Variants in DNM3 observed in about 807,000 individuals in gnomAD.
DNM3 encodes dynamin-3.
A neutral mutation model predicts 101.6 loss-of-function variants in DNM3; 47 were observed. That is an observed-to-expected ratio of 0.46 (90% confidence interval 0.37 to 0.59). The LOEUF (loss-of-function observed/expected upper bound fraction) is 0.59, where lower values mean the gene tolerates loss of function less well. Among genes scored for constraint, DNM3 ranks in the 20% least tolerant of loss-of-function variants. DNM3 has a pLI of 0.00. For synonymous variants in DNM3, 385 were observed against 387.9 expected, an observed-to-expected ratio of 0.99 and a Z score of 0.09; for missense variants, 849 against 1,085.7, an observed-to-expected ratio of 0.78 and a Z score of 3.06.
At chr1:172,079,677 C>T (rs1178550928) in intron 11 of DNM3, among the ~76,000 whole-genome samples, 3 of 152,084 alleles carry the variant, frequency 2.0e-5, no homozygotes, top group Non-Finnish European at 4.4e-5. Flanking sequence ...CAAGGAGTTG[C>T]GATCCTTTGG....
chr1:172,111,001 A>C (rs920624492), intron 13 of DNM3, among the ~76,000 whole-genome samples: 2 of 152,200 alleles, frequency 1.3e-5, no homozygotes, highest in Admixed American at 6.5e-5. Context: ...GTGCCAGGGC[A>C]CTCCAGCCTG....
At chr1:172,225,134 CTTTTT>C (rs1168334078) in intron 14 of DNM3, among the ~76,000 whole-genome samples, 3 of 65,516 alleles carry the variant, frequency 4.6e-5, no homozygotes, top group East Asian at 5.0e-4. Context: ...TCTTCTTCCT[CTTTTT>C]TTTTTTTTTT....
At chr1:172,068,692 T>G in intron 10 of DNM3, 127 bp from the exon 11 acceptor site, 1 of 752,060 alleles carries the variant, frequency 1.3e-6, no homozygotes, top group Non-Finnish European at 2.2e-6. Flanking sequence ...TAGGAGTTGA[T>G]GATATTTCAT....
At chr1:172,368,546 TTAA>T (rs1207679474) in intron 17 of DNM3, among the ~76,000 whole-genome samples, 1 of 151,594 alleles carries the variant, frequency 6.6e-6, no homozygotes, top group African/African-American at 2.4e-5. Context: ...AATAAACAAC[TTAA>T]TGATGCACTT....
intron 15 of DNM3, among the ~76,000 whole-genome samples, chr1:172,261,282 T>A (rs1363678207): frequency 6.6e-6 from 1 of 152,206 alleles, no homozygotes; most frequent in Non-Finnish European, 1.5e-5. Context: ...AAAGGAGAAC[T>A]CTTTTCTGAC....
chr1:172,303,629 G>A (rs1315280826), intron 15 of DNM3, among the ~76,000 whole-genome samples: 5 of 152,194 alleles, frequency 3.3e-5, no homozygotes, highest in South Asian at 2.1e-4. Flanking sequence ...CAGCCAGAGA[G>A]AAAGGTCGGG....
chr1:172,084,306 C>G (rs1331273039), intron 12 of DNM3, among the ~76,000 whole-genome samples: 1 of 152,126 alleles, frequency 6.6e-6, no homozygotes. Flanking sequence ...CTCTCACTCT[C>G]TCCACATACA....
chr1:171,883,478 CTT>C (rs796456771), intron 1 of DNM3, among the ~76,000 whole-genome samples: 1 of 139,632 alleles, frequency 7.2e-6, no homozygotes, highest in Non-Finnish European at 1.6e-5. Flanking sequence ...TTTTTTCTTT[CTT>C]TTTTTTTTTG....
intron 17 of DNM3, among the ~76,000 whole-genome samples, chr1:172,343,055 A>C (rs544532993): frequency 6.6e-6 from 1 of 152,328 alleles, no homozygotes; most frequent in South Asian, 2.1e-4. Flanking sequence ...CTAAGCCAGT[A>C]ATTTGGGAAG....
rs139158071 is a variant in DNM3 at position 171,944,626 on chromosome 1, G to T, written c.235+22805G>T. ...CTGAGCTCAGCGATCCACCTGCCTT[G>T]GCTTCCCAAAGTGCTGGGATTACAG... is the stretch of plus-strand genomic sequence containing the variant. On this transcript the variant is annotated intron_variant, in intron 2 of 20. Coordinates refer to ENST00000627582, the MANE Select transcript of DNM3 (RefSeq NM_015569.5). 1.6e-3 allele frequency among the ~76,000 whole-genome samples: 247 copies of T among 151,870 alleles called. 1 individual carries two copies. The highest frequency in any genetic ancestry group is 5.5e-3 in the African/African-American group (226 of 41,430).
At chr1:171,864,616 G>A (rs1158683600) in intron 1 of DNM3, 1 of 152,204 alleles carries the variant, frequency 6.6e-6, no homozygotes, top group Admixed American at 6.5e-5. Flanking sequence ...CAGGAACCAA[G>A]AGAAGCACAA....
rs139923172 is a variant in DNM3, at chr1:171,845,769, G to A, written c.161+3952G>A. Among the ~76,000 whole-genome samples, 205 of 152,290 alleles carry A rather than the reference G, an allele frequency of 1.3e-3. 1 individual carries two copies. In the East Asian group the frequency reaches 0.037, roughly 27 times the overall value. On this transcript the variant is annotated intron_variant, in intron 1 of 20. Coordinates refer to ENST00000627582, the MANE Select transcript of DNM3 (RefSeq NM_015569.5). ...TTGTTTATTTAAGTATGTTTTTAGA[G>A]TGCATATAACTCATTTATAGAGGTG...
At chr1:172,193,222 G>C (rs533413803) in intron 14 of DNM3, among the ~76,000 whole-genome samples, 2 of 152,060 alleles carry the variant, frequency 1.3e-5, no homozygotes, top group African/African-American at 4.8e-5. Context: ...AAAAAGTGGG[G>C]GTGGATAAGC....
chr1:172,286,573 A>G (rs1168804432), intron 15 of DNM3, among the ~76,000 whole-genome samples: 1 of 152,164 alleles, frequency 6.6e-6, no homozygotes, highest in Admixed American at 6.6e-5. Context: ...AAATAAAATA[A>G]ATTCACATGG....
chr1:172,149,333 A>G (rs2058040804), intron 14 of DNM3, among the ~76,000 whole-genome samples: 1 of 152,190 alleles, frequency 6.6e-6, no homozygotes, highest in Admixed American at 6.5e-5. Context: ...ATATTTCAGT[A>G]GCATAATACA....
intron 14 of DNM3, among the ~76,000 whole-genome samples, chr1:172,153,168 A>G (rs145952485): frequency 1.4e-3 from 212 of 152,246 alleles, no homozygotes; most frequent in African/African-American, 4.7e-3. Context: ...TCATTTGTCA[A>G]ATGGTGTAAA....
intron 1 of DNM3, chr1:171,864,500 C>A (rs1162475290): frequency 6.6e-6 from 1 of 152,216 alleles, no homozygotes; most frequent in East Asian, 1.9e-4. Context: ...GGCTTGCCAG[C>A]CTAGAGGACA....
Position 172,411,434 on chromosome 1 carries a change from T to G in DNM3, c.*3593T>G. On this transcript the variant is annotated 3_prime_UTR_variant, in exon 21 of 21. Transcript: ENST00000627582. ...AAGAAGTAAAACCTCTGGAGACCTA[T>G]CTTTAAGATCTCTAATTGGAATTAT... The G allele has an allele frequency of 1.0e-6, 1 of 984,788 alleles. No individual in the cohort carries two copies. The highest frequency in any genetic ancestry group is 1.2e-6 in the Non-Finnish European group (1 of 829,496). The allele number at this position is 984,788 out of a possible 1,614,324, so 61.0% of individuals were successfully genotyped here.
intron 14 of DNM3, among the ~76,000 whole-genome samples, chr1:172,221,354 C>T (rs76890070): frequency 0.043 from 6,465 of 152,102 alleles, 183 homozygotes; most frequent in Middle Eastern, 0.095. Flanking sequence ...AAATCATATG[C>T]CCTCTTTGGC....
Sources: gnomAD v4.1 joint callset for allele counts (sites outside exome capture counted in the v4.1 genomes callset) on GRCh38, gnomAD v4.1.1 for gene constraint, MANE v1.5 for transcripts, NCBI Gene and HGNC (gene_info 2026-07-23, HGNC 2026-07-21) for gene names.